SLC12A7: variants seen among roughly 807,000 people sequenced by gnomAD.
The protein encoded by SLC12A7 is solute carrier family 12 member 7, also known as K-Cl cotransporter 4.
SLC12A7 carries 100 observed loss-of-function variants against 120.6 expected under a neutral mutation model. The ratio of observed to expected loss-of-function variants is 0.83; its 90% CI spans 0.71 to 0.98. The LOEUF (loss-of-function observed/expected upper bound fraction) is 0.98, where lower values mean the gene tolerates loss of function less well. Ranked by LOEUF, SLC12A7 falls within the 50% of genes least tolerant of loss-of-function variation. The pLI is 0.00. For missense variants in SLC12A7, 1,373 were observed against 1,548.1 expected (o/e 0.89, Z 1.90); for synonymous variants, 760 against 678.0 (o/e 1.12, Z -1.88).
the SLC12A7 span, among the ~76,000 whole-genome samples, chr5:1,122,421 A>G: frequency 6.6e-6 from 1 of 152,270 alleles, no homozygotes; most frequent in Non-Finnish European, 1.5e-5. Flanking sequence ...GATAACTGGT[A>G]AAAATGTTTG....
the SLC12A7 span, among the ~76,000 whole-genome samples, chr5:1,121,101 G>A: frequency 1.6e-4 from 25 of 152,172 alleles, no homozygotes; most frequent in African/African-American, 5.1e-4. Context: ...GCCCGCCACC[G>A]TTCCCCAAGC....
chr5:1,096,952 G>A (rs1037368599), intron 1 of SLC12A7, among the ~76,000 whole-genome samples: 8 of 151,756 alleles, frequency 5.3e-5, no homozygotes, highest in South Asian at 4.2e-4. Context: ...CGAGGGTTTC[G>A]GGTTCTCCCT....
chr5:1,105,132 G>A (rs1421575790), intron 1 of SLC12A7, among the ~76,000 whole-genome samples: 3 of 144,650 alleles, frequency 2.1e-5, no homozygotes, highest in African/African-American at 7.8e-5. Flanking sequence ...CCGCAGGGAT[G>A]AGGTCCTGCA....
chr5:1,086,870 G>T (rs778878822), intron 6 of SLC12A7, 33 bp downstream of exon 6: 1 of 1,606,756 alleles, frequency 6.2e-7, no homozygotes, highest in Admixed American at 1.7e-5. Flanking sequence ...CACAGACTGT[G>T]GGGTGGGAAC....
chr5:1,060,775 T>G (rs879294858), intron 20 of SLC12A7, among the ~76,000 whole-genome samples: 3 of 152,102 alleles, frequency 2.0e-5, no homozygotes, highest in African/African-American at 7.2e-5. Flanking sequence ...CACTGCCCCA[T>G]GGGGCTGCAT....
chr5:1,134,003 C>G, the SLC12A7 span, among the ~76,000 whole-genome samples: 1 of 152,158 alleles, frequency 6.6e-6, no homozygotes, highest in African/African-American at 2.4e-5. Context: ...CAAGCCTGCT[C>G]AGCCCAGCTA....
chr5:1,081,055 GAGACAGAGAGAGAGAGAGAGAC>G (rs56173558), intron 9 of SLC12A7, among the ~76,000 whole-genome samples: 51,409 of 97,490 alleles, frequency 0.53, 10,096 homozygotes, highest in Non-Finnish European at 0.64. Flanking sequence ...GAAGAAGAGG[GAGACAGAGAGAGAGAGAGAGAC>G]AGACAGAGAG....
In SLC12A7 at chr5:1,065,369, CCCAGGCCGG is replaced by C; in HGVS notation, c.2342_2350del (p.Ala781_Leu783del). 4 of 1,612,418 alleles carry C rather than the reference CCCAGGCCGG, an allele frequency of 2.5e-6. No individual in the cohort carries two copies. The highest frequency in any genetic ancestry group is 3.4e-6 in the Non-Finnish European group (4 of 1,179,498). On this transcript the variant is annotated inframe_deletion, in exon 18 of 24. Transcript: ENST00000264930. ...GAGCACCGTGTTGTGCTTCAGGCCG[CCCAGGCCGG>C]CCGACTGGATCAGGTGGGACATGCC...
At chr5:1,139,631 A>G in the SLC12A7 span, among the ~76,000 whole-genome samples, 96 of 152,298 alleles carry the variant, frequency 6.3e-4, no homozygotes, top group African/African-American at 2.1e-3. Flanking sequence ...AGTGGCCCCC[A>G]TGTTCCTCTG....
chr5:1,112,068 G>T (rs952574113), upstream of SLC12A7: 9 of 1,194,586 alleles, frequency 7.5e-6, no homozygotes, highest in Admixed American at 4.4e-5. Flanking sequence ...GGGACTTGGA[G>T]GCAGGGGCGG....
chr5:1,076,777 C>T lies in SLC12A7; in HGVS notation c.1665G>A (p.Thr555=), dbSNP rs368591973. 46 of 1,611,054 alleles carry T rather than the reference C, an allele frequency of 2.9e-5. No homozygotes were observed. The East Asian group carries it at 5.4e-4, about 19-fold the overall frequency. The change falls in exon 13 of 24, where the codon ACG becomes ACA. Residue 555 remains threonine, a synonymous_variant. Transcript: ENST00000264930. ...FGHGKANGEP[T]WALLLTVLIC... ...TGAGGACTGTCAGCAGCAGCGCCCA[C>T]GTGGGCTCCCCGTTGGCCTTCCCGT...
rs1336522926 is a variant in SLC12A7, at chr5:1,050,814, T to C, written c.*1546A>G. On this transcript the variant is annotated 3_prime_UTR_variant, in exon 24 of 24. Transcript: ENST00000264930. ...CCCCGCTGTGATGTCTGGGACACGC[T>C]CTGGGCAGCAGCCGTCACTCTACAG... The C allele has an allele frequency of 2.5e-6, 1 of 398,596 alleles. No homozygotes were observed. Among genetic ancestry groups the C allele is most frequent in the Non-Finnish European group, 4.4e-6 (1 of 226,038 alleles). 24.7% of individuals were successfully genotyped at this position (398,596 alleles called of 1,614,324 possible). A position where few individuals can be genotyped will look rare whatever the true frequency, so the allele number is the denominator to read the frequency against.
At chr5:1,111,759 G>T in intron 1 of SLC12A7, 109 bp downstream of exon 1, 2 of 1,073,358 alleles carry the variant, frequency 1.9e-6, no homozygotes, top group Non-Finnish European at 2.3e-6. Flanking sequence ...GCGGGAAGGG[G>T]CGCCTCCTGT....
Position 1,081,676 on chromosome 5 carries a change from C to G in SLC12A7, c.1198G>C (p.Val400Leu). ...VEKKGVPSVP[V>L]AEESRASALP... The stretch of plus-strand genomic sequence containing the variant: ...GCGCTGGCACGGCTCTCCTCTGCCA[C>G]GGGCACCGAGGGCACACCTTTCTTC... The change falls in exon 9 of 24, where the codon GTG becomes CTG. Residue 400 changes from valine (V) to leucine (L), a missense_variant. By Grantham distance (32) the Val-to-Leu change is conservative. Transcript: ENST00000264930. 1 of 1,613,130 alleles carries G rather than the reference C, an allele frequency of 6.2e-7. No homozygotes were observed. The highest frequency in any genetic ancestry group is 1.1e-5 in the South Asian group (1 of 91,074).
At chr5:1,138,625 C>A in the SLC12A7 span, among the ~76,000 whole-genome samples, 9,217 of 152,280 alleles carry the variant, frequency 0.061, 413 homozygotes, top group East Asian at 0.13. Flanking sequence ...AGCTGGAGAT[C>A]TTTACCCCAC....
Position 1,065,428 on chromosome 5 carries a change from C to A in SLC12A7, c.2292G>T (p.Leu764=). ...STEKTKGFCQ[L]VVSSSLRDGM... ...CATCCCGCAGGCTGGACGAGACCACCAGCTGGCAGAAGCCCTTGGTCTTCT... is the reference window on the plus strand; with the variant it reads ...CATCCCGCAGGCTGGACGAGACCACAAGCTGGCAGAAGCCCTTGGTCTTCT... Residue 764 remains leucine, a synonymous_variant, in exon 18 of 24, where the codon CTG becomes CTT. Coordinates refer to ENST00000264930, the MANE Select transcript of SLC12A7 (RefSeq NM_006598.3). 1 of 1,611,640 alleles carries A rather than the reference C, an allele frequency of 6.2e-7. No individual in the cohort carries two copies. The highest frequency in any genetic ancestry group is 8.5e-7 in the Non-Finnish European group (1 of 1,179,150).
chr5:1,118,887 G>C, the SLC12A7 span, among the ~76,000 whole-genome samples: 1 of 152,214 alleles, frequency 6.6e-6, no homozygotes, highest in Non-Finnish European at 1.5e-5. Flanking sequence ...TTCTGGGCCG[G>C]CTGGCGGGAG....
Position 1,063,989 on chromosome 5 carries a change from G to A in SLC12A7, c.2608-14C>T, listed in dbSNP as rs1286134132. On this transcript the variant is annotated splice_polypyrimidine_tract_variant and intron_variant, in intron 19 of 23. Transcript: ENST00000264930. ...CTTCCTCCACACCTGCAGACAGGGA[G>A]GGCATGGCTGTGGGGCCTCAGAGGA... The A allele has an allele frequency of 1.9e-6, 3 of 1,611,438 alleles. No individual in the cohort carries two copies. The highest frequency in any genetic ancestry group is 8.5e-7 in the Non-Finnish European group (1 of 1,179,132).
the SLC12A7 span, among the ~76,000 whole-genome samples, chr5:1,144,861 C>T: frequency 1.5e-4 from 23 of 152,338 alleles, no homozygotes; most frequent in African/African-American, 4.6e-4. Context: ...GGCCTCCGAG[C>T]GGCAGAAAGC....
Sources: gnomAD v4.1 joint callset for allele counts (sites outside exome capture counted in the v4.1 genomes callset) on GRCh38, gnomAD v4.1.1 for gene constraint, MANE v1.5 for transcripts, NCBI Gene and HGNC (gene_info 2026-07-23, HGNC 2026-07-21) for gene names.